MBP: variants seen among roughly 807,000 people sequenced by gnomAD.
The protein encoded by MBP is myelin basic protein.
In MBP, 16 loss-of-function variants were observed where a neutral mutation model predicts 35.8. The ratio of observed to expected loss-of-function variants is 0.45; its 90% CI spans 0.30 to 0.68. The LOEUF is 0.68. Ranked by LOEUF, MBP falls within the 30% of genes least tolerant of loss-of-function variation. The probability of loss-of-function intolerance (pLI) is 0.08; values close to 1 mark genes in which losing one functional copy is unlikely to be tolerated. For missense variants in MBP, 380 were observed against 404.7 expected (o/e 0.94, Z 0.52); for synonymous variants, 143 against 159.6 (o/e 0.90, Z 0.78).
At chr18:77,078,128 A>C (rs540184370) in intron 2 of MBP, among the ~76,000 whole-genome samples, 1 of 152,226 alleles carries the variant, frequency 6.6e-6, no homozygotes, top group Non-Finnish European at 1.5e-5. Context: ...GCTAATCCCA[A>C]ACCAACCCTC....
At chr18:77,070,919 G>A (rs1305722562) in intron 2 of MBP, among the ~76,000 whole-genome samples, 5 of 152,222 alleles carry the variant, frequency 3.3e-5, no homozygotes, top group Non-Finnish European at 7.3e-5. Flanking sequence ...TTGTTCCCGC[G>A]TAGCTGGAGT....
At chr18:77,008,000 T>C (rs988473180) in intron 4 of MBP, among the ~76,000 whole-genome samples, 8 of 152,160 alleles carry the variant, frequency 5.3e-5, no homozygotes, top group African/African-American at 1.9e-4. Context: ...CCTGGGACTC[T>C]CATCCTCTCC....
At chr18:77,129,891 A>C (rs1977182590) in intron 1 of MBP, among the ~76,000 whole-genome samples, 1 of 151,862 alleles carries the variant, frequency 6.6e-6, no homozygotes, top group Non-Finnish European at 1.5e-5. Flanking sequence ...AAACAAAAAA[A>C]CGCAAAAATC....
At chr18:77,050,459 G>GTAT (rs761740812) in intron 3 of MBP, among the ~76,000 whole-genome samples, 1 of 152,306 alleles carries the variant, frequency 6.6e-6, no homozygotes, top group Non-Finnish European at 1.5e-5. Flanking sequence ...GCTTGCCACA[G>GTAT]TATTAGCTGT....
intron 8 of MBP, chr18:76,982,553 T>G (rs1969270661): frequency 6.6e-6 from 1 of 152,216 alleles, no homozygotes; most frequent in Non-Finnish European, 1.5e-5. Context: ...TGGGGGGACA[T>G]GCATAGTTTT....
chr18:77,120,574 T>C (rs1326574585), intron 1 of MBP, among the ~76,000 whole-genome samples: 1 of 152,246 alleles, frequency 6.6e-6, no homozygotes, highest in Non-Finnish European at 1.5e-5. Flanking sequence ...ATATCTGGCT[T>C]TCTCTGGGCC....
At chr18:76,999,724 C>G (rs1447105845) in intron 4 of MBP, among the ~76,000 whole-genome samples, 1 of 152,132 alleles carries the variant, frequency 6.6e-6, no homozygotes, top group Non-Finnish European at 1.5e-5. Flanking sequence ...GCTGGGATTA[C>G]AGGTGTGAGC....
intron 3 of MBP, among the ~76,000 whole-genome samples, chr18:77,018,338 A>G (rs1971765015): frequency 8.0e-6 from 1 of 125,608 alleles, no homozygotes; most frequent in Non-Finnish European, 1.8e-5. Flanking sequence ...TCATCCATCC[A>G]TCTATCCATC....
intron 3 of MBP, among the ~76,000 whole-genome samples, chr18:77,023,272 C>T (rs954382426): frequency 2.0e-5 from 3 of 152,168 alleles, no homozygotes; most frequent in Admixed American, 6.5e-5. Context: ...GGCGTCATGA[C>T]CTGAGGAAGC....
chr18:77,084,382 C>A (rs1231075987), intron 2 of MBP, among the ~76,000 whole-genome samples: 1 of 147,726 alleles, frequency 6.8e-6, no homozygotes, highest in South Asian at 2.2e-4. Flanking sequence ...GCGAAAACCA[C>A]AACCCTGCAA....
At chr18:77,132,415 G>T (rs1171959821) in intron 1 of MBP, among the ~76,000 whole-genome samples, 165 bp downstream of exon 1, 1 of 152,180 alleles carries the variant, frequency 6.6e-6, no homozygotes, top group East Asian at 1.9e-4. Context: ...GCCAAGAAAG[G>T]GACCCGGAGT....
chr18:76,991,527 C>T (rs2123160455), intron 4 of MBP, among the ~76,000 whole-genome samples: 1 of 152,308 alleles, frequency 6.6e-6, no homozygotes, highest in East Asian at 1.9e-4. Flanking sequence ...GGTGAATGCG[C>T]ACCAGGCAAG....
chr18:77,084,152 T>C (rs962741418), intron 2 of MBP, among the ~76,000 whole-genome samples: 4 of 152,002 alleles, frequency 2.6e-5, no homozygotes, highest in African/African-American at 4.8e-5. Context: ...TTACTTAGAT[T>C]AGTAAATGGC....
chr18:77,107,389 C>T (rs909691938), intron 1 of MBP, among the ~76,000 whole-genome samples: 1 of 152,180 alleles, frequency 6.6e-6, no homozygotes. Flanking sequence ...CAGTCCCCTT[C>T]CTGTTCCCTG....
intron 2 of MBP, among the ~76,000 whole-genome samples, chr18:77,100,891 G>A (rs1317516017): frequency 1.3e-5 from 2 of 152,074 alleles, no homozygotes; most frequent in Non-Finnish European, 2.9e-5. Flanking sequence ...TCATCCCCAG[G>A]AGGCTTAGCT....
At chr18:77,106,905 GGTTT>G (rs1459865344) in intron 1 of MBP, among the ~76,000 whole-genome samples, 6 of 152,150 alleles carry the variant, frequency 3.9e-5, no homozygotes, top group African/African-American at 1.2e-4. Context: ...GGGAAATGAG[GGTTT>G]GTTGCACATG....
Position 76,988,576 on chromosome 18 carries a change from A to C in MBP, c.718-49T>G. On this transcript the variant is annotated intron_variant, in intron 6 of 8. Transcript: ENST00000355994. This position sits in a 1 kb window ranked among gnomAD's most constrained non-coding sequence, Gnocchi z 5.2. Reference sequence around the variant, plus strand: ...AATGACATGGTGGTCAGTGAAGGGAAAGTCCTTTCAATCAACAGGAAACAC... The same window carrying C: ...AATGACATGGTGGTCAGTGAAGGGACAGTCCTTTCAATCAACAGGAAACAC... 6.3e-7 allele frequency: 1 copy of C among 1,585,308 alleles called. No individual in the cohort carries two copies. Among genetic ancestry groups the C allele is most frequent in the Middle Eastern group, 1.7e-4 (1 of 5,918 alleles).
chr18:77,023,882 ACCT>A (rs1327021348), intron 3 of MBP, among the ~76,000 whole-genome samples: 1 of 151,834 alleles, frequency 6.6e-6, no homozygotes, highest in Non-Finnish European at 1.5e-5. Flanking sequence ...CAGTCAAGTG[ACCT>A]CCTCTCCGAG....
intron 4 of MBP, among the ~76,000 whole-genome samples, chr18:76,999,552 C>G (rs2123275020): frequency 6.6e-6 from 1 of 151,824 alleles, no homozygotes; most frequent in Admixed American, 6.6e-5. Flanking sequence ...CTCCTGGGTT[C>G]AAGCGATTCT....
Sources: allele counts gnomAD v4.1 joint callset (sites outside exome capture counted in the v4.1 genomes callset), GRCh38; gene constraint gnomAD v4.1.1; non-coding constraint Gnocchi (gnomAD v3.1); transcripts MANE v1.5; gene names NCBI Gene and HGNC (gene_info 2026-07-23, HGNC 2026-07-21).